Variants in ROR1 observed in about 807,000 individuals in gnomAD.
ROR1 encodes the protein inactive tyrosine-protein kinase transmembrane receptor ROR1.
ROR1 carries 19 observed loss-of-function variants against 78.8 expected under a neutral mutation model. The observed-to-expected ratio is 0.24, with a 90% CI of 0.17 to 0.35. The LOEUF (loss-of-function observed/expected upper bound fraction) is 0.35. Ranked by LOEUF, ROR1 falls within the 10% of genes least tolerant of loss-of-function variation. ROR1 has a pLI of 1.00. For missense variants in ROR1, 917 were observed against 1,177.8 expected, an observed-to-expected ratio of 0.78 and a Z score of 3.24; for synonymous variants, 386 against 433.6, an observed-to-expected ratio of 0.89 and a Z score of 1.36.
In ROR1 at chr1:64,127,105, C is replaced by A. The variant is rs184513382; in HGVS notation, c.483-10264C>A. Among the ~76,000 whole-genome samples the A allele has an allele frequency of 3.4e-4, 52 of 152,286 alleles. 1 individual carries two copies. The highest frequency in any genetic ancestry group is 7.2e-4 in the Admixed American group (11 of 15,296). On this transcript the variant is annotated intron_variant, in intron 4 of 8. Transcript: ENST00000371079. ...TTGGGCAATTTTGAGGATGAATAAT[C>A]CAATAAAATCGAACTGTTTCCATCT...
intron 1 of ROR1, among the ~76,000 whole-genome samples, chr1:63,947,065 C>T (rs1476116697): frequency 2.0e-5 from 3 of 152,122 alleles, no homozygotes. Flanking sequence ...TCTCCTGACC[C>T]GTGTTCTCCA....
At chr1:64,121,482 G>A (rs1453308986) in intron 4 of ROR1, among the ~76,000 whole-genome samples, 1 of 152,170 alleles carries the variant, frequency 6.6e-6, no homozygotes. Context: ...CCCCCGGAAT[G>A]TAAACTGCCA....
chr1:64,027,023 A>T (rs1319708310), intron 2 of ROR1, among the ~76,000 whole-genome samples: 4 of 152,242 alleles, frequency 2.6e-5, no homozygotes, highest in Non-Finnish European at 5.9e-5. Context: ...TGTTACATAG[A>T]TGTGTCCTCA....
intron 1 of ROR1, among the ~76,000 whole-genome samples, chr1:63,781,519 G>T (rs1235011748): frequency 6.6e-6 from 1 of 152,126 alleles, no homozygotes; most frequent in Non-Finnish European, 1.5e-5. Context: ...AGCAGATGTG[G>T]TACCACAGGC....
chr1:64,117,121 T>C (rs977289398), intron 4 of ROR1, among the ~76,000 whole-genome samples: 1 of 152,062 alleles, frequency 6.6e-6, no homozygotes, highest in Non-Finnish European at 1.5e-5. Context: ...CTAAACATTT[T>C]TGGGGCAGGG....
chr1:64,097,391 T>A (rs1370491644), intron 4 of ROR1, among the ~76,000 whole-genome samples: 1 of 152,172 alleles, frequency 6.6e-6, no homozygotes, highest in Non-Finnish European at 1.5e-5. Context: ...TCTCCTTATT[T>A]TGAGGTCAGC....
At chr1:64,048,815 A>C (rs1200309588) in intron 2 of ROR1, among the ~76,000 whole-genome samples, 1 of 152,174 alleles carries the variant, frequency 6.6e-6, no homozygotes, top group Non-Finnish European at 1.5e-5. Flanking sequence ...GTTCTGAAAC[A>C]GGCAAAATTA....
chr1:64,061,830 CTG>C (rs1256033685), intron 4 of ROR1, among the ~76,000 whole-genome samples: 1 of 152,156 alleles, frequency 6.6e-6, no homozygotes, highest in African/African-American at 2.4e-5. Flanking sequence ...TGATGACTAA[CTG>C]AAACTCAACA....
At chr1:64,005,797 A>G (rs370204921) in intron 1 of ROR1, among the ~76,000 whole-genome samples, 1 of 152,172 alleles carries the variant, frequency 6.6e-6, no homozygotes, top group Non-Finnish European at 1.5e-5. Context: ...GCCTTGGAAG[A>G]TATTATTTTT....
intron 1 of ROR1, among the ~76,000 whole-genome samples, chr1:63,949,767 G>A (rs928370261): frequency 6.6e-6 from 1 of 152,078 alleles, no homozygotes; most frequent in East Asian, 1.9e-4. Flanking sequence ...CTCAAAGGGG[G>A]TAGCCCGGGA....
intron 2 of ROR1, among the ~76,000 whole-genome samples, chr1:64,013,549 T>G (rs1222440981): frequency 1.3e-5 from 2 of 152,178 alleles, no homozygotes; most frequent in African/African-American, 4.8e-5. Context: ...TAACCCCTCT[T>G]TTACTTAAGC....
chr1:63,854,891 T>C (rs961752386), intron 1 of ROR1, among the ~76,000 whole-genome samples: 1 of 152,226 alleles, frequency 6.6e-6, no homozygotes, highest in African/African-American at 2.4e-5. Context: ...CATTCTCCTG[T>C]ATACTTTAAA....
intron 2 of ROR1, among the ~76,000 whole-genome samples, chr1:64,014,730 C>T (rs1375508952): frequency 0.2 from 3,320 of 16,844 alleles, 1,030 homozygotes; most frequent in Middle Eastern, 0.32. Flanking sequence ...TATATATACA[C>T]ATACGCACAC....
At chr1:64,118,977 G>A (rs530904219) in intron 4 of ROR1, among the ~76,000 whole-genome samples, 4 of 152,316 alleles carry the variant, frequency 2.6e-5, no homozygotes, top group South Asian at 2.1e-4. Flanking sequence ...ACACTTCATC[G>A]TGTGTCAGCC....
Position 63,775,574 on chromosome 1 carries a change from T to TC in ROR1, c.91+1067dup, listed in dbSNP as rs146952747. ...TCTCTGCTCTTTTATCATGCATCTT[T>TC]CATTTTTAAGTTAGCACTGTGTTTA... On this transcript the variant is annotated intron_variant, in intron 1 of 8. Transcript: ENST00000371079. Among the ~76,000 whole-genome samples, 990 of 152,334 alleles carry TC rather than the reference T, an allele frequency of 6.5e-3. 5 individuals are homozygous for TC. Among genetic ancestry groups the TC allele is most frequent in the African/African-American group, 0.023 (947 of 41,582 alleles).
intron 1 of ROR1, among the ~76,000 whole-genome samples, chr1:63,857,134 C>A (rs1431426812): frequency 2.7e-5 from 4 of 150,248 alleles, no homozygotes; most frequent in African/African-American, 7.4e-5. Context: ...TTCAAAGTAT[C>A]TGTTGTTGAA....
chr1:64,110,479 G>A (rs1648047767), intron 4 of ROR1, among the ~76,000 whole-genome samples: 1 of 152,204 alleles, frequency 6.6e-6, no homozygotes, highest in Non-Finnish European at 1.5e-5. Context: ...CAGCTGGTAA[G>A]TATCACAGCT....
chr1:63,954,810 G>C (rs998649123), intron 1 of ROR1, among the ~76,000 whole-genome samples: 1 of 152,164 alleles, frequency 6.6e-6, no homozygotes, highest in African/African-American at 2.4e-5. Context: ...TTATGTCAGG[G>C]ACTTGATCAT....
intron 1 of ROR1, among the ~76,000 whole-genome samples, chr1:64,002,131 C>CTTTT (rs34252630): frequency 2.8e-5 from 3 of 105,986 alleles, no homozygotes; most frequent in African/African-American, 6.5e-5. Flanking sequence ...CCAGTTCAAC[C>CTTTT]TTTTTTTTTT....
Sources: gnomAD v4.1 joint callset for allele counts (sites outside exome capture counted in the v4.1 genomes callset) on GRCh38, gnomAD v4.1.1 for gene constraint, MANE v1.5 for transcripts, NCBI Gene and HGNC (gene_info 2026-07-23, HGNC 2026-07-21) for gene names.